The following ZNF34 variants were observed in gnomAD, a reference collection of about 807,000 sequenced individuals.
ZNF34 encodes zinc finger protein 34.
In ZNF34, 8 loss-of-function variants were observed where a neutral mutation model predicts 14.4. The observed-to-expected ratio is 0.55, with a 90% confidence interval of 0.33 to 1.00. The LOEUF is 1.00. ZNF34 is among the 50% of genes least tolerant of loss of function. The pLI, the probability that ZNF34 is intolerant of heterozygous loss-of-function variation, is 0.03. For missense variants in ZNF34, 538 were observed against 674.2 expected (o/e 0.80, Z 2.24); for synonymous variants, 235 against 247.9 (o/e 0.95, Z 0.49).
rs1337519634 is a variant in ZNF34 at position 144,773,204 on chromosome 8, G to A, written c.*62C>T. ...GGATAATACATAAAGGGCAGAGTCA[G>A]GTGCCGGGGGCGCATGCAGGAAGTG... On this transcript the variant is annotated 3_prime_UTR_variant, in exon 6 of 6. Coordinates refer to ENST00000429371, the MANE Select transcript of ZNF34 (RefSeq NM_001286769.2). This position sits in a 1 kb window ranked among gnomAD's most constrained non-coding sequence, Gnocchi z 5.4. The A allele has an allele frequency of 4.0e-6, 6 of 1,511,042 alleles. No individual in the cohort carries two copies. The highest frequency in any genetic ancestry group is 5.3e-6 in the Non-Finnish European group (6 of 1,125,530). 93.6% of individuals were successfully genotyped at this position (1,511,042 alleles called of 1,614,324 possible).
At position 144,774,059 on chromosome 8, in the gene ZNF34, T is replaced by C; in HGVS notation, c.827A>G (p.His276Arg). The change falls in exon 6 of 6, where the codon CAC becomes CGC. Residue 276 changes from histidine to arginine, a missense_variant. His to Arg is a conservative substitution (Grantham distance 29). Coordinates refer to ENST00000429371, the MANE Select transcript of ZNF34 (RefSeq NM_001286769.2). ...AFSQSCEFIN[H>R]RRMHSGEIPY... Reference sequence around the variant, plus strand: ...AATCTCTCCTGAGTGCATCCTTCGGTGATTGATGAACTCGCAGCTCTGGCT... The same window carrying C: ...AATCTCTCCTGAGTGCATCCTTCGGCGATTGATGAACTCGCAGCTCTGGCT... 2 of 1,614,052 alleles carry C rather than the reference T, an allele frequency of 1.2e-6. No individual in the cohort carries two copies. Among genetic ancestry groups the C allele is most frequent in the Non-Finnish European group, 1.7e-6 (2 of 1,179,990 alleles).
chr8:144,777,653 C>A lies in ZNF34; in HGVS notation c.161-76G>T. 1 of 1,513,662 alleles carries A rather than the reference C, an allele frequency of 6.6e-7. No individual in the cohort carries two copies. The highest frequency in any genetic ancestry group is 8.9e-7 in the Non-Finnish European group (1 of 1,125,796). 93.8% of individuals were successfully genotyped at this position (1,513,662 alleles called of 1,614,324 possible). A position where few individuals can be genotyped will look rare whatever the true frequency, so the allele number is the denominator to read the frequency against. ...CTAGTGCTGTCTCACCCTGGGGCTG[C>A]AGGGTAAGGGAGGCACAGGCAGAGG... On this transcript the variant is annotated intron_variant, in intron 4 of 5. Transcript: ENST00000429371. The surrounding 1 kb of genome is among the most constrained non-coding windows in gnomAD (Gnocchi z 4.8).
chr8:144,779,688 C>T lies in ZNF34; in HGVS notation c.-55+540G>A, dbSNP rs138300365. Among the ~76,000 whole-genome samples the T allele has an allele frequency of 1.4e-4, 22 of 152,184 alleles. No homozygotes were observed. Among genetic ancestry groups the T allele is most frequent in the Middle Eastern group, 3.4e-3 (1 of 294 alleles). Reference sequence around the variant, plus strand: ...TTGAGCTCAAGCAATCCTCTTGCCTCGGCCTCCCAAAGTGCTGGGATTAAA... The same window carrying T: ...TTGAGCTCAAGCAATCCTCTTGCCTTGGCCTCCCAAAGTGCTGGGATTAAA... On this transcript the variant is annotated intron_variant, in intron 2 of 5. Coordinates refer to ENST00000429371, the MANE Select transcript of ZNF34 (RefSeq NM_001286769.2). This position sits in a 1 kb window ranked among gnomAD's most constrained non-coding sequence, Gnocchi z 4.1.
rs369836896 is a variant in ZNF34 at position 144,773,346 on chromosome 8, C to T, written c.1540G>A (p.Glu514Lys). ...HTGEKPYKCS[E>K]CGKAFRHSSN... Reference sequence around the variant, plus strand: ...CTGTGCCGGAAGGCCTTCCCACACTCGCTGCACTTGTAGGGCTTCTCCCCG... The same window carrying T: ...CTGTGCCGGAAGGCCTTCCCACACTTGCTGCACTTGTAGGGCTTCTCCCCG... The change falls in exon 6 of 6, where the codon GAG becomes AAG. Residue 514 changes from glutamate to lysine, a missense_variant. This residue lies in a region of ZNF34 where 101 missense variants were observed against 123.1 expected (regional missense o/e 0.82). Coordinates refer to ENST00000429371, the MANE Select transcript of ZNF34 (RefSeq NM_001286769.2). The surrounding 1 kb of genome is among the most constrained non-coding windows in gnomAD (Gnocchi z 5.4). 32 of 1,614,056 alleles carry T rather than the reference C, an allele frequency of 2.0e-5. No individual in the cohort carries two copies. The highest frequency in any genetic ancestry group is 2.2e-5 in the South Asian group (2 of 91,086).
chr8:144,773,669 G>A lies in ZNF34; in HGVS notation c.1217C>T (p.Ala406Val). Residue 406 changes from alanine to valine, a missense_variant, in exon 6 of 6, where the codon GCT becomes GTT. Around this residue, in one of 3 missense-constraint regions of ZNF34, gnomAD observed 431 missense variants for 525.7 expected, o/e 0.82. Transcript: ENST00000429371. This position sits in a 1 kb window ranked among gnomAD's most constrained non-coding sequence, Gnocchi z 5.4. ...KPYKCNECEK[A>V]FIQKTKLVEH... is the part of the protein sequence containing the mutation. Reference sequence around the variant, plus strand: ...CACGAGTTTGGTTTTTTGAATGAAAGCTTTCTCACATTCATTACATTTATA... The same window carrying A: ...CACGAGTTTGGTTTTTTGAATGAAAACTTTCTCACATTCATTACATTTATA... The A allele has an allele frequency of 6.2e-7, 1 of 1,614,000 alleles. No individual in the cohort carries two copies. The highest frequency in any genetic ancestry group is 8.5e-7 in the Non-Finnish European group (1 of 1,179,946).
Position 144,773,535 on chromosome 8 carries a change from C to A in ZNF34, c.1351G>T (p.Glu451Ter). ...CACTCGCTGCACTTGTAGGGCTTCT[C>A]TCCTGTGTGGATTCTCTGGTGCTGG... ...LIQHQRIHTG[E>*]KPYKCSECGK... The change falls in exon 6 of 6, where the codon GAG (glutamate) becomes TAG (stop). Residue 451 changes from glutamate (E) to a stop codon, truncating the protein, a stop_gained. Coordinates refer to ENST00000429371, the MANE Select transcript of ZNF34 (RefSeq NM_001286769.2). LOFTEE classifies it low-confidence loss of function (END_TRUNC). This position sits in a 1 kb window ranked among gnomAD's most constrained non-coding sequence, Gnocchi z 5.4. 1 of 1,614,190 alleles carries A rather than the reference C, an allele frequency of 6.2e-7. No individual in the cohort carries two copies. The highest frequency in any genetic ancestry group is 8.5e-7 in the Non-Finnish European group (1 of 1,180,028).
At chr8:144,776,505 C>T (rs1336561278) in intron 5 of ZNF34, among the ~76,000 whole-genome samples, 1 of 151,404 alleles carries the variant, frequency 6.6e-6, no homozygotes, top group African/African-American at 2.4e-5. Context: ...GAGGCTGAGG[C>T]AGAATCGCTT....
chr8:144,785,910 G>A (rs1182574788), intron 1 of ZNF34, among the ~76,000 whole-genome samples: 1 of 151,494 alleles, frequency 6.6e-6, no homozygotes, highest in Non-Finnish European at 1.5e-5. Context: ...ATGTCAAGGA[G>A]ATAGAGCACA....
Position 144,773,150 on chromosome 8 carries a change from C to T in ZNF34, c.*116G>A, listed in dbSNP as rs1470709640. The T allele has an allele frequency of 2.2e-5, 25 of 1,124,418 alleles. No homozygotes were observed. The highest frequency in any genetic ancestry group is 2.7e-5 in the Non-Finnish European group (22 of 829,614). 69.7% of individuals were successfully genotyped at this position (1,124,418 alleles called of 1,614,324 possible). ...GAAAAGAGGTTTGTTTAATGAGAAA[C>T]GTCCTTTCACTCTGTGAAAACATCG... is the stretch of plus-strand genomic sequence containing the variant. On this transcript the variant is annotated 3_prime_UTR_variant, in exon 6 of 6. Coordinates refer to ENST00000429371, the MANE Select transcript of ZNF34 (RefSeq NM_001286769.2). The surrounding 1 kb of genome is among the most constrained non-coding windows in gnomAD (Gnocchi z 5.4).
chr8:144,786,582 C>G (rs112318672), intron 1 of ZNF34, among the ~76,000 whole-genome samples: 2 of 151,390 alleles, frequency 1.3e-5, no homozygotes, highest in African/African-American at 4.8e-5. Context: ...TGCATTGAGC[C>G]GAGATCGCGC....
chr8:144,782,365 C>G (rs1163881849), intron 1 of ZNF34, among the ~76,000 whole-genome samples: 3 of 151,868 alleles, frequency 2.0e-5, no homozygotes, highest in Non-Finnish European at 4.4e-5. Context: ...TGGCGTGAAC[C>G]TGTAATCCCA....
At chr8:144,781,275 T>A (rs1395903220) in intron 1 of ZNF34, among the ~76,000 whole-genome samples, 1 of 139,638 alleles carries the variant, frequency 7.2e-6, no homozygotes, top group Non-Finnish European at 1.6e-5. Context: ...CTGGAGTGAG[T>A]TTTTTTTTTT....
chr8:144,782,936 G>A (rs1224683545), intron 1 of ZNF34, among the ~76,000 whole-genome samples: 1 of 148,142 alleles, frequency 6.8e-6, no homozygotes, highest in Non-Finnish European at 1.5e-5. Flanking sequence ...AAAGGAAAGA[G>A]TGTATATTTA....
chr8:144,777,192 TC>T lies in ZNF34; in HGVS notation c.280+265del, dbSNP rs1825578301. ...GCACCCCTGTTCTGCACCTACTCAC[TC>T]CCCTCTACACGGGACCTTGCCTGGA... is the stretch of plus-strand genomic sequence containing the variant. On this transcript the variant is annotated intron_variant, in intron 5 of 5. Transcript: ENST00000429371. This position sits in a 1 kb window ranked among gnomAD's most constrained non-coding sequence, Gnocchi z 4.8. 6.6e-6 allele frequency among the ~76,000 whole-genome samples: 1 copy of T among 152,084 alleles called. No individual in the cohort carries two copies. Among genetic ancestry groups the T allele is most frequent in the Non-Finnish European group, 1.5e-5 (1 of 67,980 alleles).
Position 144,773,259 on chromosome 8 carries a change from G to A in ZNF34, c.*7C>T, listed in dbSNP as rs965527899. 12 of 1,592,932 alleles carry A rather than the reference G, an allele frequency of 7.5e-6. No homozygotes were observed. Among genetic ancestry groups the A allele is most frequent in the East Asian group, 4.5e-5 (2 of 44,604 alleles). On this transcript the variant is annotated 3_prime_UTR_variant, in exon 6 of 6. Coordinates refer to ENST00000429371, the MANE Select transcript of ZNF34 (RefSeq NM_001286769.2). This position sits in a 1 kb window ranked among gnomAD's most constrained non-coding sequence, Gnocchi z 5.4. ...GCTGGACTCTGCCCTCGGACACCGC[G>A]CCACTGTTACATGGAGAAGTCCTCC...
chr8:144,780,814 G>A (rs567982536), intron 1 of ZNF34, among the ~76,000 whole-genome samples: 26 of 150,318 alleles, frequency 1.7e-4, no homozygotes, highest in Admixed American at 2.7e-4. Context: ...CAAAGAAAGC[G>A]AAAATCACTA....
chr8:144,778,940 G>C (rs2130258185), intron 2 of ZNF34, among the ~76,000 whole-genome samples: 1 of 152,248 alleles, frequency 6.6e-6, no homozygotes, highest in South Asian at 2.1e-4. Context: ...TAATGTAAAA[G>C]AGTCTGGGAA....
intron 3 of ZNF34, 110 bp from the exon 4 acceptor site, chr8:144,778,274 C>G: frequency 6.8e-7 from 1 of 1,475,364 alleles, no homozygotes; most frequent in South Asian, 1.3e-5. Flanking sequence ...TGGCCTGACC[C>G]ATCTGCCACC....
At chr8:144,784,084 C>T (rs529675501) in intron 1 of ZNF34, among the ~76,000 whole-genome samples, 3 of 149,938 alleles carry the variant, frequency 2.0e-5, no homozygotes, top group East Asian at 4.0e-4. Flanking sequence ...GGCGCGAACC[C>T]GGGAGGCGGA....
Sources: allele counts gnomAD v4.1 joint callset (sites outside exome capture counted in the v4.1 genomes callset), GRCh38; gene constraint gnomAD v4.1.1; regional missense constraint gnomAD v4.1.1; non-coding constraint Gnocchi (gnomAD v3.1); transcripts MANE v1.5; gene names NCBI Gene and HGNC (gene_info 2026-07-23, HGNC 2026-07-21).